Variants in RPH3A observed in about 807,000 individuals in gnomAD.
RPH3A encodes rabphilin 3A, also known as rabphilin-3A.
Under a neutral mutation model 102.2 loss-of-function variants are expected in RPH3A, and 48 were observed. The ratio of observed to expected loss-of-function variants is 0.47; its 90% confidence interval spans 0.37 to 0.60. The LOEUF is 0.60. Ranked by LOEUF, RPH3A falls within the 20% of genes least tolerant of loss-of-function variation. The pLI is 0.00. For synonymous variants in RPH3A, 310 were observed against 324.3 expected (o/e 0.96, Z 0.47); for missense variants, 781 against 910.1 (o/e 0.86, Z 1.83).
At chr12:112,696,244 C>T (rs1406156828) in intron 1 of RPH3A, among the ~76,000 whole-genome samples, 1 of 152,148 alleles carries the variant, frequency 6.6e-6, no homozygotes, top group Non-Finnish European at 1.5e-5. Context: ...GGTTGATGGA[C>T]ACTTAGATTG....
At chr12:112,648,579 A>AAAAAAAAAAAAAAAG (rs2039950317) in intron 1 of RPH3A, among the ~76,000 whole-genome samples, 1 of 115,034 alleles carries the variant, frequency 8.7e-6, no homozygotes, top group Non-Finnish European at 1.8e-5. Context: ...ACAAAAAAAA[A>AAAAAAAAAAAAAAAG]AAAAAAAAAA....
At chr12:112,807,293 A>G (rs2041487768) in intron 2 of RPH3A, among the ~76,000 whole-genome samples, 1 of 152,094 alleles carries the variant, frequency 6.6e-6, no homozygotes, top group Admixed American at 6.5e-5. Flanking sequence ...AAAGGGCTGC[A>G]TTTACAGGCT....
rs149742004 is a variant in RPH3A, at chr12:112,729,149, T to C, written c.-139-62994T>C. Among the ~76,000 whole-genome samples, 171 of 152,208 alleles carry C rather than the reference T, an allele frequency of 1.1e-3. 1 individual carries two copies. The highest frequency in any genetic ancestry group is 4.0e-3 in the African/African-American group (166 of 41,536). ...GTCTGATTACAAAGGGAACTTTTTT[T>C]TTTTTTTGAGATAGGGTTTTGCTCT... On this transcript the variant is annotated intron_variant, in intron 1 of 21. Transcript: ENST00000543106.
At chr12:112,828,485 T>A in intron 3 of RPH3A, 96 bp downstream of exon 3, 1 of 889,796 alleles carries the variant, frequency 1.1e-6, no homozygotes, top group Non-Finnish European at 1.8e-6. Flanking sequence ...CTTCCTTCCC[T>A]GAGGAAGGGG....
chr12:112,883,635 A>G (rs1359560869), intron 16 of RPH3A, among the ~76,000 whole-genome samples: 2 of 151,798 alleles, frequency 1.3e-5, no homozygotes, highest in African/African-American at 4.8e-5. Flanking sequence ...CTGTTCGTTC[A>G]GGGGGTGTGT....
intron 1 of RPH3A, among the ~76,000 whole-genome samples, chr12:112,675,759 A>T (rs1291023913): frequency 1.3e-5 from 2 of 152,204 alleles, no homozygotes. Flanking sequence ...GCAAAATTGC[A>T]TTCTTAAAAA....
intron 7 of RPH3A, 64 bp downstream of exon 7, chr12:112,866,904 C>T: frequency 7.7e-7 from 1 of 1,304,594 alleles, no homozygotes; most frequent in Non-Finnish European, 1.1e-6. Flanking sequence ...TTAAGAGGTG[C>T]CTTAAGAGGT....
intron 10 of RPH3A, among the ~76,000 whole-genome samples, chr12:112,872,153 C>T (rs2042720296): frequency 6.6e-6 from 1 of 152,096 alleles, no homozygotes; most frequent in Admixed American, 6.6e-5. Context: ...TTTTTAGATT[C>T]CCACCAACAA....
intron 4 of RPH3A, chr12:112,837,907 C>T (rs1487478553): frequency 1.4e-5 from 6 of 441,790 alleles, no homozygotes; most frequent in South Asian, 6.5e-5. Context: ...TCCTCCCTCC[C>T]TTCCTCCCTC....
chr12:112,807,301 G>C (rs1440264717), intron 2 of RPH3A, among the ~76,000 whole-genome samples: 2 of 152,100 alleles, frequency 1.3e-5, no homozygotes, highest in African/African-American at 4.8e-5. Context: ...GCATTTACAG[G>C]CTGAGCCCTC....
chr12:112,799,250 T>C (rs2041293818), intron 2 of RPH3A, among the ~76,000 whole-genome samples: 3 of 152,102 alleles, frequency 2.0e-5, no homozygotes, highest in South Asian at 2.1e-4. Flanking sequence ...TAGCTGGGCA[T>C]GGTGGCACAC....
chr12:112,663,023 G>A, intron 1 of RPH3A, among the ~76,000 whole-genome samples: 1 of 150,246 alleles, frequency 6.7e-6, no homozygotes, highest in South Asian at 2.1e-4. Context: ...ATCATGTAGA[G>A]TGAAGCCAAG....
At chr12:112,893,340 T>C (rs957107382) in intron 19 of RPH3A, 3 of 152,214 alleles carry the variant, frequency 2.0e-5, no homozygotes, top group Non-Finnish European at 4.4e-5. Flanking sequence ...CTTCTGTAGA[T>C]GAGAATGAAA....
intron 2 of RPH3A, among the ~76,000 whole-genome samples, chr12:112,823,524 AT>A (rs2136142987): frequency 6.6e-6 from 1 of 152,342 alleles, no homozygotes; most frequent in East Asian, 1.9e-4. Context: ...GGAAAAGAGA[AT>A]TACCACTTTA....
intron 5 of RPH3A, among the ~76,000 whole-genome samples, chr12:112,852,254 A>G (rs1246219223): frequency 2.6e-5 from 4 of 152,210 alleles, no homozygotes. Context: ...GAGCAAAGAT[A>G]GGTGTTGCCT....
chr12:112,659,125 T>C (rs937836533), intron 1 of RPH3A, among the ~76,000 whole-genome samples: 9 of 152,186 alleles, frequency 5.9e-5, no homozygotes, highest in African/African-American at 2.2e-4. Flanking sequence ...TACTGCCCCA[T>C]CACCTAGAAA....
At chr12:112,753,724 G>T (rs1424890828) in intron 1 of RPH3A, among the ~76,000 whole-genome samples, 1 of 152,214 alleles carries the variant, frequency 6.6e-6, no homozygotes, top group African/African-American at 2.4e-5. Flanking sequence ...AGCAAGGTCT[G>T]GGGGTTAGAA....
intron 1 of RPH3A, among the ~76,000 whole-genome samples, chr12:112,716,483 C>G (rs1424810529): frequency 6.6e-6 from 1 of 152,250 alleles, no homozygotes; most frequent in Non-Finnish European, 1.5e-5. Context: ...GTAATAGTCT[C>G]TAGATACAGG....
rs553352062 is a variant in RPH3A, at chr12:112,594,650, C to G, written c.-140+19331C>G. 3.9e-5 allele frequency among the ~76,000 whole-genome samples: 6 copies of G among 152,280 alleles called. No homozygotes were observed. The East Asian group carries it at 1.2e-3, about 29-fold the overall frequency. ...ACAAAACAGATTCTGTTCCTGCCCTCGTGGAGCTCTCAGTCTAATTAGTTC... is the reference window on the plus strand; with the variant it reads ...ACAAAACAGATTCTGTTCCTGCCCTGGTGGAGCTCTCAGTCTAATTAGTTC... On this transcript the variant is annotated intron_variant, in intron 1 of 21. Transcript: ENST00000543106.
Sources: allele counts gnomAD v4.1 joint callset (sites outside exome capture counted in the v4.1 genomes callset), GRCh38; gene constraint gnomAD v4.1.1; transcripts MANE v1.5; gene names NCBI Gene and HGNC (gene_info 2026-07-23, HGNC 2026-07-21).